LRRC4C: variants seen among roughly 807,000 people sequenced by gnomAD.
LRRC4C encodes leucine rich repeat containing 4C.
In LRRC4C, 5 loss-of-function variants were observed where a neutral mutation model predicts 33.6. That is an observed-to-expected ratio of 0.15 (90% CI 0.08 to 0.31). The LOEUF (loss-of-function observed/expected upper bound fraction) is 0.31. Among genes scored for constraint, LRRC4C ranks in the 10% least tolerant of loss-of-function variants. The pLI is 1.00. For synonymous variants in LRRC4C, 329 were observed against 302.0 expected (o/e 1.09, Z -0.93); for missense variants, 560 against 796.7 (o/e 0.70, Z 3.58).
intron 3 of LRRC4C, among the ~76,000 whole-genome samples, chr11:40,368,249 A>G (rs912488706): frequency 6.6e-6 from 1 of 152,176 alleles, no homozygotes; most frequent in African/African-American, 2.4e-5. Context: ...TACTTTGGGA[A>G]GGTTAAAGAT....
At chr11:40,469,326 C>T (rs1369990148) in intron 3 of LRRC4C, among the ~76,000 whole-genome samples, 4 of 152,246 alleles carry the variant, frequency 2.6e-5, no homozygotes, top group Admixed American at 6.5e-5. Context: ...GGGACCATGC[C>T]GTGAGGAATG....
chr11:40,714,536 G>A (rs896540963), intron 2 of LRRC4C, among the ~76,000 whole-genome samples: 8 of 152,288 alleles, frequency 5.3e-5, no homozygotes, highest in African/African-American at 1.9e-4. Context: ...GCTATTTGAT[G>A]TATATCCTCT....
rs1565502830 is a variant in LRRC4C, at chr11:41,233,843, A to C, written c.-496+225588T>G. ...TTTTATTTCTAGACTTTGCTATTTTAACAATTTATTAATTAGTTCATAGAC... is the reference window on the plus strand; with the variant it reads ...TTTTATTTCTAGACTTTGCTATTTTCACAATTTATTAATTAGTTCATAGAC... On this transcript the variant is annotated intron_variant, in intron 1 of 6. Coordinates refer to ENST00000528697, the MANE Select transcript of LRRC4C (RefSeq NM_001258419.2). Among the ~76,000 whole-genome samples the C allele has an allele frequency of 2.0e-5, 3 of 152,070 alleles. 1 individual carries two copies. The highest frequency in any genetic ancestry group is 2.0e-4 in the Admixed American group (3 of 15,236).
chr11:41,311,336 G>A (rs1010394883), intron 1 of LRRC4C, among the ~76,000 whole-genome samples: 10 of 151,946 alleles, frequency 6.6e-5, no homozygotes, highest in Admixed American at 2.0e-4. Context: ...CACACTCGTA[G>A]CAGAAACCAA....
intron 1 of LRRC4C, among the ~76,000 whole-genome samples, chr11:41,235,708 T>C (rs1466071222): frequency 6.6e-6 from 1 of 152,146 alleles, no homozygotes; most frequent in East Asian, 1.9e-4. Context: ...CCAGGAAATC[T>C]TCGGTATCAC....
intron 1 of LRRC4C, among the ~76,000 whole-genome samples, chr11:41,433,837 G>GTA (rs916762631): frequency 8.6e-5 from 13 of 151,210 alleles, no homozygotes; most frequent in South Asian, 4.2e-4. Flanking sequence ...ATATATATGC[G>GTA]TATATATATA....
intron 1 of LRRC4C, among the ~76,000 whole-genome samples, chr11:40,977,933 G>A (rs1336088884): frequency 6.6e-6 from 1 of 151,978 alleles, no homozygotes; most frequent in African/African-American, 2.4e-5. Context: ...AGGCACACAG[G>A]AAAAAAACGT....
At chr11:41,178,164 A>G (rs916665886) in intron 1 of LRRC4C, among the ~76,000 whole-genome samples, 1 of 152,170 alleles carries the variant, frequency 6.6e-6, no homozygotes, top group African/African-American at 2.4e-5. Flanking sequence ...ATAATCCAAC[A>G]TGCTTTTACT....
At chr11:40,444,770 A>G (rs1388427968) in intron 3 of LRRC4C, among the ~76,000 whole-genome samples, 6 of 152,188 alleles carry the variant, frequency 3.9e-5, no homozygotes, top group Non-Finnish European at 8.8e-5. Context: ...GAATTTTGTT[A>G]TATACAAGGA....
intron 2 of LRRC4C, among the ~76,000 whole-genome samples, chr11:40,687,129 T>G (rs955942329): frequency 2.4e-4 from 36 of 152,128 alleles, no homozygotes; most frequent in African/African-American, 8.7e-4. Context: ...GTTTTGACAT[T>G]GTGGTTTTTA....
In LRRC4C at chr11:40,926,262, C is replaced by T. The variant is rs138273533; in HGVS notation, c.-407+7373G>A. On this transcript the variant is annotated intron_variant, in intron 2 of 6. Transcript: ENST00000528697. ...TTCTTTCCTTCTGTCCTGTGACCTCCGTGCTCCATGTTGTACATGATGTCC... is the reference window on the plus strand; with the variant it reads ...TTCTTTCCTTCTGTCCTGTGACCTCTGTGCTCCATGTTGTACATGATGTCC... Among the ~76,000 whole-genome samples, 5 of 152,226 alleles carry T rather than the reference C, an allele frequency of 3.3e-5. No homozygotes were observed. In the East Asian group the frequency reaches 9.7e-4, roughly 29 times the overall value.
intron 4 of LRRC4C, among the ~76,000 whole-genome samples, chr11:40,276,805 T>C (rs945768715): frequency 2.0e-5 from 3 of 151,756 alleles, no homozygotes; most frequent in African/African-American, 7.3e-5. Context: ...GCTGCTGCAG[T>C]GTCTGTGTCA....
At position 41,098,035 on chromosome 11, in the gene LRRC4C, G is replaced by A. The variant is rs77853878; in HGVS notation, c.-495-164312C>T. ...TTCCCTGTGATCAGCTCCTAGAGCT[G>A]GATTTCCCAATATGCCTGAAAGCAG... is the stretch of plus-strand genomic sequence containing the variant. On this transcript the variant is annotated intron_variant, in intron 1 of 6. Coordinates refer to ENST00000528697, the MANE Select transcript of LRRC4C (RefSeq NM_001258419.2). Among the ~76,000 whole-genome samples the A allele has an allele frequency of 4.9e-3, 740 of 152,196 alleles. 10 individuals carry two copies. Among genetic ancestry groups the A allele is most frequent in the African/African-American group, 0.017 (709 of 41,522 alleles).
intron 3 of LRRC4C, among the ~76,000 whole-genome samples, chr11:40,385,123 C>T (rs987348993): frequency 2.0e-5 from 3 of 151,988 alleles, no homozygotes; most frequent in African/African-American, 4.8e-5. Context: ...GAGGCAGAGG[C>T]GGGCATCCAC....
chr11:40,342,855 T>G (rs931934046), intron 3 of LRRC4C, among the ~76,000 whole-genome samples: 1 of 152,072 alleles, frequency 6.6e-6, no homozygotes. Context: ...CCTTTATATC[T>G]ATCTATCTAC....
chr11:41,240,079 A>T lies in LRRC4C; in HGVS notation c.-496+219352T>A, dbSNP rs78534824. 7.2e-5 allele frequency among the ~76,000 whole-genome samples: 11 copies of T among 152,334 alleles called. No homozygotes were observed. In the South Asian group the frequency reaches 1.2e-3, roughly 17 times the overall value. On this transcript the variant is annotated intron_variant, in intron 1 of 6. Coordinates refer to ENST00000528697, the MANE Select transcript of LRRC4C (RefSeq NM_001258419.2). ...TCTTATTTTATAAAAATCAAATGTC[A>T]AAGCTTAGACTATGAACTAACAAAC... is the stretch of plus-strand genomic sequence containing the variant.
chr11:41,082,803 C>A (rs1438428187), intron 1 of LRRC4C, among the ~76,000 whole-genome samples: 1 of 151,982 alleles, frequency 6.6e-6, no homozygotes, highest in Non-Finnish European at 1.5e-5. Flanking sequence ...TCCCCTTTGA[C>A]CTATTGTTTA....
intron 2 of LRRC4C, among the ~76,000 whole-genome samples, chr11:40,684,569 G>A (rs545694492): frequency 1.3e-5 from 2 of 151,866 alleles, no homozygotes; most frequent in Non-Finnish European, 2.9e-5. Context: ...TAAACAAAGA[G>A]TTGAAGGATT....
intron 1 of LRRC4C, among the ~76,000 whole-genome samples, chr11:41,443,608 TTTC>T (rs900903724): frequency 4.6e-5 from 7 of 151,946 alleles, no homozygotes; most frequent in South Asian, 2.1e-4. Flanking sequence ...CTCTCTTTCT[TTTC>T]TTCTTCTTCT....
Sources: allele counts gnomAD v4.1 joint callset (sites outside exome capture counted in the v4.1 genomes callset), GRCh38; gene constraint gnomAD v4.1.1; transcripts MANE v1.5; gene names NCBI Gene and HGNC (gene_info 2026-07-23, HGNC 2026-07-21).